GAD1: variants seen among roughly 807,000 people sequenced by gnomAD.
GAD1 encodes glutamate decarboxylase 1.
GAD1 carries 35 observed loss-of-function variants against 75.2 expected under a neutral mutation model. That is an observed-to-expected ratio of 0.47 (90% CI 0.36 to 0.62). The LOEUF (loss-of-function observed/expected upper bound fraction) is 0.62. Among genes scored for constraint, GAD1 ranks in the 20% least tolerant of loss-of-function variants. The probability of loss-of-function intolerance (pLI) is 0.00; values close to 1 mark genes in which losing one functional copy is unlikely to be tolerated. For synonymous variants in GAD1, 257 were observed against 271.9 expected, an observed-to-expected ratio of 0.95 and a Z score of 0.54; for missense variants, 490 against 758.5, an observed-to-expected ratio of 0.65 and a Z score of 4.16.
chr2:170,831,634 G>GTGTGTGTATA (rs1165758709), intron 5 of GAD1, among the ~76,000 whole-genome samples: 1 of 132,112 alleles, frequency 7.6e-6, no homozygotes, highest in African/African-American at 2.9e-5. Context: ...GTGTGTGTGT[G>GTGTGTGTATA]TATATACCTA....
At chr2:170,844,019 C>A (rs766767856) in intron 6 of GAD1, 26 bp from the exon 7 acceptor site, 40 of 1,239,570 alleles carry the variant, frequency 3.2e-5, no homozygotes, top group Non-Finnish European at 4.7e-5. Context: ...TATTTTCTTT[C>A]ATCCTTCTTC....
At position 170,853,873 on chromosome 2, in the gene GAD1, G is replaced by A. The variant is rs199909095; in HGVS notation, c.1264G>A (p.Gly422Ser). ...GCACCCATCTTAATTTCCATGATAG[G>A]GTATACTCCAAGGATGCAACCAGAT... Reference protein sequence around the residue: ...QCSAILVKEKGILQGCNQMCA... With the variant: ...QCSAILVKEKSILQGCNQMCA... Residue 422 changes from glycine (G) to serine (S), a missense_variant and splice_region_variant, in exon 14 of 17, where the codon GGT (glycine) becomes AGT (serine). Gly to Ser is a moderately conservative substitution (Grantham distance 56). Transcript: ENST00000358196. The surrounding 1 kb of genome is among the most constrained non-coding windows in gnomAD (Gnocchi z 4.1). 3 of 1,614,034 alleles carry A rather than the reference G, an allele frequency of 1.9e-6. No homozygotes were observed. Among genetic ancestry groups the A allele is most frequent in the Non-Finnish European group, 2.5e-6 (3 of 1,179,998 alleles).
At chr2:170,815,075 C>A (rs1345000207), upstream of GAD1, among the ~76,000 whole-genome samples, 4 of 152,184 alleles carry the variant, frequency 2.6e-5, no homozygotes, top group African/African-American at 9.7e-5. Context: ...TGGCACCTGG[C>A]TCCCTGATTG....
rs375640311 is a variant in GAD1 at position 170,852,753 on chromosome 2, C to G, written c.1224C>G (p.Gly408=). The G allele has an allele frequency of 1.9e-6, 3 of 1,614,064 alleles. No homozygotes were observed. The Admixed American group carries it at 5.0e-5, about 27-fold the overall frequency. The change falls in exon 13 of 17, where the codon GGC becomes GGG. Residue 408 remains glycine, a synonymous_variant. Transcript: ENST00000358196. The part of the protein sequence containing the change: ...SVTWNPHKMM[G]VLLQCSAILV... Reference sequence around the variant, plus strand: ...CCTGGAACCCTCACAAGATGATGGGCGTGCTGTTGCAGTGCTCTGCCATTC... The same window carrying G: ...CCTGGAACCCTCACAAGATGATGGGGGTGCTGTTGCAGTGCTCTGCCATTC...
Position 170,860,016 on chromosome 2 carries a change from A to C in GAD1, c.*134A>C. The C allele has an allele frequency of 1.1e-6, 1 of 873,892 alleles. No individual in the cohort carries two copies. Among genetic ancestry groups the C allele is most frequent in the Non-Finnish European group, 1.8e-6 (1 of 546,324 alleles). The allele number at this position is 873,892 out of a possible 1,614,324, so 54.1% of individuals were successfully genotyped here. On this transcript the variant is annotated 3_prime_UTR_variant, in exon 17 of 17. Coordinates refer to ENST00000358196, the MANE Select transcript of GAD1 (RefSeq NM_000817.3). ...ATAATATCTTGAAGAATATTGTTAA[A>C]ACCTTACTTAAAGCTTGTTTGTTCT...
chr2:170,838,889 G>C (rs1477695226), intron 6 of GAD1, among the ~76,000 whole-genome samples: 1 of 152,210 alleles, frequency 6.6e-6, no homozygotes, highest in Non-Finnish European at 1.5e-5. Flanking sequence ...AAATATGACC[G>C]ATTCCAACAG....
chr2:170,847,630 G>A, intron 10 of GAD1, 46 bp from the exon 11 acceptor site: 1 of 1,283,874 alleles, frequency 7.8e-7, no homozygotes, highest in Non-Finnish European at 1.1e-6. Flanking sequence ...CAGCAAATGA[G>A]AAAGGTTAAA....
intron 11 of GAD1, chr2:170,848,920 G>A (rs1575443770): frequency 4.7e-6 from 2 of 425,042 alleles, no homozygotes; most frequent in East Asian, 1.3e-4. Flanking sequence ...CAGACAGCAG[G>A]CCTCAGTTTT....
chr2:170,829,305 C>A, intron 3 of GAD1, 170 bp from the exon 4 acceptor site: 1 of 720,382 alleles, frequency 1.4e-6, no homozygotes, highest in East Asian at 2.7e-5. Context: ...CTGCCCCCCT[C>A]CCTGCCTGAA....
chr2:170,826,434 G>T (rs1489777833), intron 3 of GAD1, among the ~76,000 whole-genome samples: 1 of 152,040 alleles, frequency 6.6e-6, no homozygotes, highest in Non-Finnish European at 1.5e-5. Context: ...CAGACGTGGT[G>T]GTAGGCACCT....
At chr2:170,816,392 C>T (rs917841245), upstream of GAD1, 1 of 152,264 alleles carries the variant, frequency 6.6e-6, no homozygotes, top group Non-Finnish European at 1.5e-5. Flanking sequence ...GAGGACACGA[C>T]CCAAAGCGCG....
In GAD1 at chr2:170,851,418, T is replaced by C. The variant is rs375933206; in HGVS notation, c.1185-1296T>C. Reference sequence around the variant, plus strand: ...CACTTAGTTAACTTTCCTTGGAATTTTTCACAGGTCTCTTTCACAAAGGTT... The same window carrying C: ...CACTTAGTTAACTTTCCTTGGAATTCTTCACAGGTCTCTTTCACAAAGGTT... On this transcript the variant is annotated intron_variant, in intron 12 of 16. Transcript: ENST00000358196. Among the ~76,000 whole-genome samples the C allele has an allele frequency of 1.1e-4, 16 of 152,360 alleles. 1 individual carries two copies. The highest frequency in any genetic ancestry group is 3.8e-4 in the African/African-American group (16 of 41,586).
intron 7 of GAD1, 193 bp from the exon 8 acceptor site, chr2:170,845,313 G>A: frequency 1.5e-6 from 1 of 651,836 alleles, no homozygotes; most frequent in Non-Finnish European, 2.8e-6. Flanking sequence ...GGTAATAAGT[G>A]TGACTACTTG....
In GAD1 at chr2:170,858,876, C is replaced by A; in HGVS notation, c.1594C>A (p.Arg532=). 6.2e-7 allele frequency: 1 copy of A among 1,614,088 alleles called. No individual in the cohort carries two copies. Residue 532 remains arginine, a synonymous_variant, in exon 16 of 17, where the codon CGG becomes AGG. Transcript: ENST00000358196. ...GGGTGTGCCAGACAGCCCTCAACGA[C>A]GGGAAAAGCTACACAAGGTATGGAC... ...LRGVPDSPQR[R]EKLHKVAPKI... is the part of the protein sequence containing the mutation.
chr2:170,826,834 TCA>T (rs1702037464), intron 3 of GAD1, among the ~76,000 whole-genome samples: 1 of 152,076 alleles, frequency 6.6e-6, no homozygotes, highest in Non-Finnish European at 1.5e-5. Context: ...ATTCCACAGC[TCA>T]ATGTTCTGGG....
At chr2:170,827,116 C>T (rs1702043986) in intron 3 of GAD1, among the ~76,000 whole-genome samples, 1 of 152,150 alleles carries the variant, frequency 6.6e-6, no homozygotes, top group African/African-American at 2.4e-5. Flanking sequence ...CTGCTTTCCC[C>T]TTCTTCCCTC....
intron 5 of GAD1, among the ~76,000 whole-genome samples, chr2:170,834,765 C>CT (rs10930442): frequency 0.034 from 4,564 of 135,242 alleles, 141 homozygotes; most frequent in Admixed American, 0.1. Context: ...AATATTCATT[C>CT]TTTTTTTTTT....
At chr2:170,834,012 A>G (rs1201608709) in intron 5 of GAD1, among the ~76,000 whole-genome samples, 6 of 151,094 alleles carry the variant, frequency 4.0e-5, no homozygotes, top group African/African-American at 7.3e-5. Flanking sequence ...AAAAAAAAAA[A>G]AGAGAGAGAG....
chr2:170,842,252 A>G (rs1702533731), intron 6 of GAD1, among the ~76,000 whole-genome samples: 1 of 152,198 alleles, frequency 6.6e-6, no homozygotes, highest in African/African-American at 2.4e-5. Context: ...TGCCTGGCCA[A>G]CACTGACTTG....
Sources: gnomAD v4.1 joint callset for allele counts (sites outside exome capture counted in the v4.1 genomes callset) on GRCh38, gnomAD v4.1.1 for gene constraint, Gnocchi (gnomAD v3.1) non-coding constraint, MANE v1.5 for transcripts, NCBI Gene and HGNC (gene_info 2026-07-23, HGNC 2026-07-21) for gene names.